Variants in AHI1 observed in about 807,000 individuals in gnomAD.
AHI1 encodes the protein Abelson helper integration site 1.
In AHI1, 123 loss-of-function variants were observed where a neutral mutation model predicts 149.3. That is an observed-to-expected ratio of 0.82 (90% CI 0.71 to 0.96). The LOEUF (loss-of-function observed/expected upper bound fraction) is 0.96, where lower values mean the gene tolerates loss of function less well. AHI1 is among the 40% of genes least tolerant of loss of function. AHI1 has a pLI of 0.00. For missense variants in AHI1, 1,439 were observed against 1,422.7 expected (o/e 1.01, Z -0.18); for synonymous variants, 475 against 459.8 (o/e 1.03, Z -0.42).
chr6:135,492,826 T>C, intron 3 of AHI1: 3 of 985,352 alleles, frequency 3.0e-6, no homozygotes, highest in Non-Finnish European at 3.6e-6. Flanking sequence ...TGTATTACTG[T>C]GTCAGAACTA....
At chr6:135,382,961 A>G (rs1582943049) in intron 23 of AHI1, among the ~76,000 whole-genome samples, 3 of 141,482 alleles carry the variant, frequency 2.1e-5, no homozygotes, top group East Asian at 4.0e-4. Flanking sequence ...ATATACATAT[A>G]AAATAATAAT....
At chr6:135,346,319 C>T (rs1391831005) in intron 24 of AHI1, among the ~76,000 whole-genome samples, 4 of 152,240 alleles carry the variant, frequency 2.6e-5, no homozygotes, top group East Asian at 1.9e-4. Context: ...CTCACCCTCC[C>T]GAGTAGCTGG....
In AHI1 at chr6:135,466,063, T is replaced by A. The variant is rs781080794; in HGVS notation, c.500A>T (p.His167Leu). 1 of 1,613,998 alleles carries A rather than the reference T, an allele frequency of 6.2e-7. No individual in the cohort carries two copies. Among genetic ancestry groups the A allele is most frequent in the Non-Finnish European group, 8.5e-7 (1 of 1,179,878 alleles). ...CTCATTTGCCTTCTCACTTTTCTGATGATCAACGCCTGGCTGTGGCTTTGT... is the reference window on the plus strand; with the variant it reads ...CTCATTTGCCTTCTCACTTTTCTGAAGATCAACGCCTGGCTGTGGCTTTGT... ...THTKPQPGVDHQKSEKANEGR... is the reference protein window; with the variant it reads ...THTKPQPGVDLQKSEKANEGR... Residue 167 changes from histidine (H) to leucine (L), a missense_variant, in exon 7 of 29, where the codon CAT becomes CTT. His to Leu is a moderately conservative substitution (Grantham distance 99). Transcript: ENST00000265602.
intron 21 of AHI1, among the ~76,000 whole-genome samples, chr6:135,408,996 C>T (rs994996248): frequency 6.6e-6 from 1 of 152,096 alleles, no homozygotes; most frequent in African/African-American, 2.4e-5. Flanking sequence ...ATGGGAAATA[C>T]CTGGTTTATG....
intron 5 of AHI1, 87 bp from the exon 6 acceptor site, chr6:135,467,721 A>G (rs1791016625): frequency 1.1e-6 from 1 of 912,794 alleles, no homozygotes; most frequent in Middle Eastern, 2.3e-4. Context: ...ACTATGTGGA[A>G]TTATTGGGAA....
chr6:135,327,283 C>T (rs1787849552), intron 24 of AHI1, among the ~76,000 whole-genome samples: 1 of 152,202 alleles, frequency 6.6e-6, no homozygotes. Context: ...GTATCCATTT[C>T]AGGTCCTCAG....
chr6:135,296,042 A>G (rs1783045072), intron 27 of AHI1, among the ~76,000 whole-genome samples: 1 of 152,002 alleles, frequency 6.6e-6, no homozygotes, highest in African/African-American at 2.4e-5. Flanking sequence ...TTTAGTAGAG[A>G]CAAAGTTTCA....
At position 135,285,387 on chromosome 6, in the gene AHI1, A is replaced by C. The variant is rs1017315295; in HGVS notation, c.*258T>G. 2 of 527,198 alleles carry C rather than the reference A, an allele frequency of 3.8e-6. No individual in the cohort carries two copies. Among genetic ancestry groups the C allele is most frequent in the African/African-American group, 3.8e-5 (2 of 52,300 alleles). The allele number at this position is 527,198 out of a possible 1,614,324, so 32.7% of individuals were successfully genotyped here. A position where few individuals can be genotyped will look rare whatever the true frequency, so the allele number is the denominator to read the frequency against. On this transcript the variant is annotated 3_prime_UTR_variant, in exon 29 of 29. Coordinates refer to ENST00000265602, the MANE Select transcript of AHI1 (RefSeq NM_001134831.2). Reference sequence around the variant, plus strand: ...ACACTGGTAATGTAATTATGATGCAATTACTAACAATATAAGTACCAATAC... The same window carrying C: ...ACACTGGTAATGTAATTATGATGCACTTACTAACAATATAAGTACCAATAC...
At chr6:135,295,202 A>G (rs572764874) in intron 27 of AHI1, among the ~76,000 whole-genome samples, 27 of 152,352 alleles carry the variant, frequency 1.8e-4, no homozygotes, top group African/African-American at 6.0e-4. Context: ...GGGATATGCA[A>G]AATCAAACAA....
intron 24 of AHI1, among the ~76,000 whole-genome samples, chr6:135,325,016 T>C (rs1175555987): frequency 7.1e-6 from 1 of 140,362 alleles, no homozygotes; most frequent in Non-Finnish European, 1.5e-5. Context: ...ATTTAAGGTT[T>C]ACAAATTACA....
At chr6:135,446,871 G>A in intron 13 of AHI1, 137 bp downstream of exon 13, 1 of 905,374 alleles carries the variant, frequency 1.1e-6, no homozygotes. Context: ...TTAATTAATG[G>A]AAAGGCAAAA....
intron 3 of AHI1, chr6:135,492,680 T>C (rs1456136763): frequency 1.0e-6 from 1 of 985,252 alleles, no homozygotes; most frequent in African/African-American, 1.7e-5. Flanking sequence ...GCATTCAATA[T>C]TACATTAAAG....
At chr6:135,297,270 G>GT (rs1219084965) in intron 27 of AHI1, among the ~76,000 whole-genome samples, 3 of 152,048 alleles carry the variant, frequency 2.0e-5, no homozygotes, top group East Asian at 1.9e-4. Flanking sequence ...TCTCTATCCT[G>GT]TTTTTTTCTC....
At chr6:135,475,244 T>C (rs1415915052) in intron 5 of AHI1, among the ~76,000 whole-genome samples, 1 of 152,234 alleles carries the variant, frequency 6.6e-6, no homozygotes, top group East Asian at 1.9e-4. Flanking sequence ...GCATCTAAAG[T>C]GAATACCCTC....
intron 24 of AHI1, among the ~76,000 whole-genome samples, chr6:135,337,907 A>G (rs1789645466): frequency 6.6e-6 from 1 of 152,206 alleles, no homozygotes; most frequent in Non-Finnish European, 1.5e-5. Flanking sequence ...CAATCCAAAT[A>G]TTCTAGGAGA....
intron 21 of AHI1, 60 bp downstream of exon 21, chr6:135,411,288 T>C: frequency 6.9e-7 from 1 of 1,440,924 alleles, no homozygotes; most frequent in Non-Finnish European, 9.7e-7. Flanking sequence ...TTTATTGGCA[T>C]GGCAATGTAA....
chr6:135,370,272 A>G (rs1193187487), intron 23 of AHI1, among the ~76,000 whole-genome samples: 1 of 152,228 alleles, frequency 6.6e-6, no homozygotes, highest in Non-Finnish European at 1.5e-5. Context: ...TACACCTATT[A>G]TAACTCTCCC....
At chr6:135,450,456 TA>T (rs1038281593) in intron 11 of AHI1, among the ~76,000 whole-genome samples, 4 of 152,080 alleles carry the variant, frequency 2.6e-5, no homozygotes, top group African/African-American at 9.7e-5. Context: ...GGAAAGAATG[TA>T]AAGACAATGG....
chr6:135,290,283 T>A, intron 28 of AHI1, 140 bp downstream of exon 28: 1 of 643,702 alleles, frequency 1.6e-6, no homozygotes, highest in South Asian at 2.2e-5. Flanking sequence ...GCAAATGGCC[T>A]CCCGGTTACA....
Sources: allele counts gnomAD v4.1 joint callset (sites outside exome capture counted in the v4.1 genomes callset), GRCh38; gene constraint gnomAD v4.1.1; transcripts MANE v1.5; gene names NCBI Gene and HGNC (gene_info 2026-07-23, HGNC 2026-07-21).